Variants in SLC4A7 observed in about 807,000 individuals in gnomAD.
SLC4A7 encodes the protein sodium bicarbonate cotransporter 3.
Under a neutral mutation model 137.6 loss-of-function variants are expected in SLC4A7, and 51 were observed. The observed-to-expected ratio is 0.37, with a 90% CI of 0.30 to 0.47. SLC4A7 has a LOEUF of 0.47. SLC4A7 is among the 20% of genes least tolerant of loss of function. The pLI is 1.00. For missense variants in SLC4A7, 1,247 were observed against 1,525.4 expected (o/e 0.82, Z 3.04); for synonymous variants, 542 against 518.6 (o/e 1.05, Z -0.61).
chr3:27,403,442 A>G, intron 14 of SLC4A7, 58 bp from the exon 15 acceptor site: 1 of 1,242,316 alleles, frequency 8.0e-7, no homozygotes, highest in Non-Finnish European at 1.1e-6. Context: ...ATTTGTACCT[A>G]AAATTTTTCA....
chr3:27,431,119 G>A (rs750321018), intron 7 of SLC4A7, among the ~76,000 whole-genome samples, 179 bp downstream of exon 7: 14 of 151,948 alleles, frequency 9.2e-5, no homozygotes, highest in Non-Finnish European at 1.5e-4. Context: ...GGCGAAAACC[G>A]CAATTACTTT....
At chr3:27,470,657 AAAC>A (rs2059203500) in intron 1 of SLC4A7, among the ~76,000 whole-genome samples, 1 of 151,482 alleles carries the variant, frequency 6.6e-6, no homozygotes, top group African/African-American at 2.4e-5. Context: ...AAAAAAAAAA[AAAC>A]AGCCAGGCAC....
intron 1 of SLC4A7, among the ~76,000 whole-genome samples, chr3:27,454,587 G>C (rs1005470524): frequency 1.3e-5 from 2 of 152,146 alleles, no homozygotes; most frequent in South Asian, 4.2e-4. Context: ...AACCCCAAAA[G>C]TGCAAGAATG....
At chr3:27,461,690 T>A (rs2058707466) in intron 1 of SLC4A7, among the ~76,000 whole-genome samples, 1 of 150,874 alleles carries the variant, frequency 6.6e-6, no homozygotes. Flanking sequence ...CTGGGCACAG[T>A]GGCTCACGTC....
intron 17 of SLC4A7, 44 bp from the exon 18 acceptor site, chr3:27,397,841 G>A (rs2052352571): frequency 1.8e-6 from 2 of 1,097,204 alleles, no homozygotes; most frequent in Admixed American, 2.2e-5. Context: ...GAAATACTAT[G>A]TGTTCTTTCT....
intron 22 of SLC4A7, 90 bp downstream of exon 22, chr3:27,389,839 TTC>T: frequency 1.0e-6 from 1 of 992,794 alleles, no homozygotes; most frequent in Non-Finnish European, 1.5e-6. Context: ...AAACGCATTA[TTC>T]TTTTTCTCAA....
intron 3 of SLC4A7, among the ~76,000 whole-genome samples, chr3:27,446,481 A>C (rs938306438): frequency 1.3e-5 from 2 of 152,184 alleles, no homozygotes; most frequent in Non-Finnish European, 2.9e-5. Flanking sequence ...TGAAGCCCCT[A>C]TACTTAACAC....
intron 21 of SLC4A7, 34 bp from the exon 22 acceptor site, chr3:27,390,138 A>G (rs755647616): frequency 1.7e-5 from 22 of 1,323,232 alleles, no homozygotes; most frequent in Non-Finnish European, 2.2e-5. Context: ...GAAGTTTTCA[A>G]TAAAATATTT....
intron 11 of SLC4A7, among the ~76,000 whole-genome samples, chr3:27,416,402 C>T (rs756792498): frequency 6.6e-5 from 10 of 152,030 alleles, no homozygotes; most frequent in Admixed American, 1.3e-4. Context: ...GTGCCATGTA[C>T]ACTCTTAGTG....
At position 27,466,916 on chromosome 3, in the gene SLC4A7, G is replaced by A. The variant is rs143430227; in HGVS notation, c.61-14418C>T. Among the ~76,000 whole-genome samples the A allele has an allele frequency of 3.5e-3, 531 of 152,212 alleles. 1 individual carries two copies. Among genetic ancestry groups the A allele is most frequent in the African/African-American group, 0.012 (495 of 41,522 alleles). ...TTTCCTATACTCTTTAGAAATATAA[G>A]TTGGGAAGAATAATCTCCATTAACA... On this transcript the variant is annotated intron_variant, in intron 1 of 25. Coordinates refer to ENST00000454389, the MANE Select transcript of SLC4A7 (RefSeq NM_001321103.2).
intron 12 of SLC4A7, among the ~76,000 whole-genome samples, chr3:27,409,737 T>C (rs2053723171): frequency 6.6e-6 from 1 of 152,156 alleles, no homozygotes; most frequent in Non-Finnish European, 1.5e-5. Context: ...AAGAGACAAA[T>C]ATCTGTATTT....
At position 27,376,599 on chromosome 3, in the gene SLC4A7, A is replaced by G. The variant is rs1257314298; in HGVS notation, c.*165T>C. On this transcript the variant is annotated 3_prime_UTR_variant, in exon 26 of 26. Coordinates refer to ENST00000454389, the MANE Select transcript of SLC4A7 (RefSeq NM_001321103.2). ...TCACTTCAAAGAGAGCATTTCATTAAATACATAGTCTCCACGGTGCTCATT... is the reference window on the plus strand; with the variant it reads ...TCACTTCAAAGAGAGCATTTCATTAGATACATAGTCTCCACGGTGCTCATT... 4.9e-6 allele frequency: 2 copies of G among 411,396 alleles called. No homozygotes were observed. Among genetic ancestry groups the G allele is most frequent in the Admixed American group, 8.3e-5 (2 of 24,214 alleles). The allele number at this position is 411,396 out of a possible 1,614,324, so 25.5% of individuals were successfully genotyped here.
chr3:27,425,261 T>G (rs1161830077), intron 7 of SLC4A7, among the ~76,000 whole-genome samples: 1 of 150,962 alleles, frequency 6.6e-6, no homozygotes, highest in African/African-American at 2.4e-5. Context: ...TCCCAGCTAT[T>G]TGGGAGGTTG....
intron 1 of SLC4A7, among the ~76,000 whole-genome samples, chr3:27,455,730 T>C (rs2058364449): frequency 6.6e-6 from 1 of 152,032 alleles, no homozygotes; most frequent in Admixed American, 6.6e-5. Context: ...ATACAAAAAT[T>C]AGCTGAGTGC....
At chr3:27,419,608 T>C (rs2054744522) in intron 10 of SLC4A7, among the ~76,000 whole-genome samples, 1 of 150,082 alleles carries the variant, frequency 6.7e-6, no homozygotes, top group African/African-American at 2.4e-5. Flanking sequence ...AGTGCTGGGA[T>C]TACAGGAGTG....
intron 1 of SLC4A7, among the ~76,000 whole-genome samples, chr3:27,452,841 T>A (rs1242054495): frequency 6.6e-6 from 1 of 152,202 alleles, no homozygotes; most frequent in Non-Finnish European, 1.5e-5. Context: ...AATCCTTAGA[T>A]GTCAACATGT....
chr3:27,433,118 T>C (rs998099923), intron 6 of SLC4A7: 2 of 152,148 alleles, frequency 1.3e-5, no homozygotes, highest in Admixed American at 6.6e-5. Flanking sequence ...AGTCATACTA[T>C]TATTTCAGGG....
intron 8 of SLC4A7, among the ~76,000 whole-genome samples, chr3:27,422,468 G>A (rs1359320859): frequency 6.6e-6 from 1 of 151,882 alleles, no homozygotes; most frequent in Admixed American, 6.6e-5. Flanking sequence ...TGGGGGGCTT[G>A]CTATATTGCC....
chr3:27,439,196 T>A (rs2056998472), intron 3 of SLC4A7, among the ~76,000 whole-genome samples: 1 of 152,066 alleles, frequency 6.6e-6, no homozygotes, highest in African/African-American at 2.4e-5. Flanking sequence ...AAAAGTCAGA[T>A]CTGAGAAAAT....
Sources: gnomAD v4.1 joint callset for allele counts (sites outside exome capture counted in the v4.1 genomes callset) on GRCh38, gnomAD v4.1.1 for gene constraint, MANE v1.5 for transcripts, NCBI Gene and HGNC (gene_info 2026-07-23, HGNC 2026-07-21) for gene names.